ROBO1: variants seen among roughly 807,000 people sequenced by gnomAD.
The protein encoded by ROBO1 is roundabout guidance receptor 1.
Under a neutral mutation model 195.9 loss-of-function variants are expected in ROBO1, and 149 were observed. The ratio of observed to expected loss-of-function variants is 0.76; its 90% CI spans 0.67 to 0.87. The LOEUF is 0.87. Ranked by LOEUF, ROBO1 falls within the 40% of genes least tolerant of loss-of-function variation. The probability of loss-of-function intolerance (pLI) is 0.00; values close to 1 mark genes in which losing one functional copy is unlikely to be tolerated. For missense variants in ROBO1, 1,933 were observed against 2,068.3 expected (o/e 0.93, Z 1.27); for synonymous variants, 816 against 733.2 (o/e 1.11, Z -1.82).
At chr3:79,751,706 A>G (rs1704137612) in intron 1 of ROBO1, among the ~76,000 whole-genome samples, 2 of 152,194 alleles carry the variant, frequency 1.3e-5, no homozygotes, top group African/African-American at 4.8e-5. Context: ...TTTTATCTAC[A>G]ATAATATGGG....
rs74689867 is a variant in ROBO1 at position 79,311,275 on chromosome 3, G to A, written c.89-185736C>T. Among the ~76,000 whole-genome samples, 1,468 of 152,172 alleles carry A rather than the reference G, an allele frequency of 9.6e-3. 59 individuals are homozygous for A. The East Asian group carries it at 0.11, about 11-fold the overall frequency. On this transcript the variant is annotated intron_variant, in intron 2 of 30. Coordinates refer to ENST00000464233, the MANE Select transcript of ROBO1 (RefSeq NM_002941.4). Reference sequence around the variant, plus strand: ...CTAGTAAACTGAGAAGAATGAGGAGGTATTCCAGAAAGGGCTTAAACTATT... The same window carrying A: ...CTAGTAAACTGAGAAGAATGAGGAGATATTCCAGAAAGGGCTTAAACTATT...
intron 2 of ROBO1, among the ~76,000 whole-genome samples, chr3:79,143,461 G>A (rs1013447312): frequency 2.0e-5 from 3 of 151,982 alleles, no homozygotes; most frequent in Non-Finnish European, 4.4e-5. Context: ...GGAGTTGACT[G>A]GTCATTACAA....
chr3:79,058,478 C>T (rs1276153624), intron 3 of ROBO1, among the ~76,000 whole-genome samples: 1 of 152,030 alleles, frequency 6.6e-6, no homozygotes, highest in African/African-American at 2.4e-5. Flanking sequence ...CATGTCTGGA[C>T]TGTGAGTATG....
chr3:79,613,927 A>G (rs4680967), intron 1 of ROBO1, among the ~76,000 whole-genome samples: 86,785 of 151,884 alleles, frequency 0.57, 26,243 homozygotes, highest in East Asian at 0.89. Flanking sequence ...AAGGATAACA[A>G]CAAATGTAAA....
chr3:79,531,389 G>A (rs555315973), intron 2 of ROBO1, among the ~76,000 whole-genome samples: 5 of 152,176 alleles, frequency 3.3e-5, no homozygotes, highest in African/African-American at 7.2e-5. Flanking sequence ...TTGGGAGGCC[G>A]AGGTGGGTGG....
At chr3:79,511,267 C>T (rs116445458) in intron 2 of ROBO1, among the ~76,000 whole-genome samples, 1 of 152,062 alleles carries the variant, frequency 6.6e-6, no homozygotes, top group African/African-American at 2.4e-5. Flanking sequence ...ATTAAATGAT[C>T]GCAAATTTTT....
intron 4 of ROBO1, among the ~76,000 whole-genome samples, chr3:78,889,536 C>A (rs187602220): frequency 4.7e-4 from 72 of 152,228 alleles, no homozygotes; most frequent in African/African-American, 1.6e-3. Flanking sequence ...CATGATGTTT[C>A]TTCCTAGTTA....
At chr3:79,663,054 C>G (rs146541603) in intron 1 of ROBO1, among the ~76,000 whole-genome samples, 3 of 152,044 alleles carry the variant, frequency 2.0e-5, no homozygotes, top group African/African-American at 7.2e-5. Flanking sequence ...CAAGTGGGAG[C>G]TAATAAGTGA....
chr3:79,159,888 T>A (rs2080924842), intron 2 of ROBO1, among the ~76,000 whole-genome samples: 1 of 152,036 alleles, frequency 6.6e-6, no homozygotes, highest in Non-Finnish European at 1.5e-5. Context: ...AGGCTTTTAC[T>A]AAGCTTTCTG....
At chr3:78,798,960 C>T (rs1204948197) in intron 4 of ROBO1, among the ~76,000 whole-genome samples, 1 of 152,026 alleles carries the variant, frequency 6.6e-6, no homozygotes. Flanking sequence ...AATTACAAAA[C>T]AAAGCATGCA....
At chr3:79,163,023 A>G (rs1202421328) in intron 2 of ROBO1, among the ~76,000 whole-genome samples, 1 of 152,136 alleles carries the variant, frequency 6.6e-6, no homozygotes, top group Admixed American at 6.6e-5. Context: ...GTAAACACAC[A>G]TAACATAAAA....
intron 1 of ROBO1, among the ~76,000 whole-genome samples, chr3:79,646,545 C>G (rs1945827131): frequency 6.6e-6 from 1 of 152,066 alleles, no homozygotes; most frequent in Non-Finnish European, 1.5e-5. Context: ...AGCAATTACA[C>G]TACTGGATGG....
At chr3:79,285,594 A>G (rs2031838198) in intron 2 of ROBO1, among the ~76,000 whole-genome samples, 1 of 152,208 alleles carries the variant, frequency 6.6e-6, no homozygotes, top group Non-Finnish European at 1.5e-5. Flanking sequence ...GCAACAAAAC[A>G]GAAATCAGGG....
chr3:79,421,280 C>T (rs2038212587), intron 2 of ROBO1, among the ~76,000 whole-genome samples: 2 of 151,902 alleles, frequency 1.3e-5, no homozygotes, highest in Non-Finnish European at 1.5e-5. Context: ...TACTATGCTT[C>T]CTAGCTGTGT....
At chr3:79,409,713 A>G (rs554395969) in intron 2 of ROBO1, among the ~76,000 whole-genome samples, 134 of 152,266 alleles carry the variant, frequency 8.8e-4, no homozygotes, top group Non-Finnish European at 3.5e-4. Context: ...CCATGAGTCT[A>G]AGTTCCTACA....
chr3:79,752,237 G>A (rs1403070526), intron 1 of ROBO1, among the ~76,000 whole-genome samples: 1 of 152,076 alleles, frequency 6.6e-6, no homozygotes, highest in Non-Finnish European at 1.5e-5. Context: ...AAGAGTACTT[G>A]GTAATTCCAC....
At chr3:79,477,163 C>T (rs916963198) in intron 2 of ROBO1, among the ~76,000 whole-genome samples, 7 of 152,028 alleles carry the variant, frequency 4.6e-5, no homozygotes, top group African/African-American at 1.4e-4. Flanking sequence ...TTGTTATGCT[C>T]ATAATTGGAA....
intron 3 of ROBO1, among the ~76,000 whole-genome samples, chr3:78,972,185 T>C (rs1274586422): frequency 6.6e-6 from 1 of 152,222 alleles, no homozygotes; most frequent in East Asian, 1.9e-4. Flanking sequence ...CAGTCCACAG[T>C]GTAATTTTAT....
At chr3:79,662,708 C>T (rs946106950) in intron 1 of ROBO1, among the ~76,000 whole-genome samples, 1 of 152,050 alleles carries the variant, frequency 6.6e-6, no homozygotes, top group Admixed American at 6.6e-5. Context: ...TCCCAGTGGA[C>T]CCCACCACCA....
Sources: allele counts gnomAD v4.1 joint callset (sites outside exome capture counted in the v4.1 genomes callset), GRCh38; gene constraint gnomAD v4.1.1; transcripts MANE v1.5; gene names NCBI Gene and HGNC (gene_info 2026-07-23, HGNC 2026-07-21).